Variants in RGCC observed in about 807,000 individuals in gnomAD.
RGCC encodes the protein regulator of cell cycle.
Under a neutral mutation model 15.4 loss-of-function variants are expected in RGCC, and 15 were observed. The observed-to-expected ratio is 0.97, with a 90% CI of 0.65 to 1.50. RGCC has a LOEUF of 1.50. Ranked by LOEUF, RGCC falls within the 40% of genes most tolerant of loss-of-function variation. The pLI is 0.00. For missense variants in RGCC, 176 were observed against 189.7 expected, an observed-to-expected ratio of 0.93 and a Z score of 0.42; for synonymous variants, 81 against 78.0, an observed-to-expected ratio of 1.04 and a Z score of -0.20.
chr13:41,458,427 C>G lies in RGCC; in HGVS notation c.192C>G (p.Ser64Arg). Residue 64 changes from serine to arginine, a missense_variant, in exon 2 of 5, where the codon AGC becomes AGG. By Grantham distance (110) the Ser-to-Arg change is moderately radical. Transcript: ENST00000379359. This position sits in a 1 kb window ranked among gnomAD's most constrained non-coding sequence, Gnocchi z 4.4. Reference protein sequence around the residue: ...EEHLERMKRRSSASVSDSSGF... With the variant: ...EEHLERMKRRRSASVSDSSGF... ...ACCTGGAGCGCATGAAGCGGCGCAG[C>G]AGCGCCAGTGTCAGCGACAGCAGCG... 1 of 1,601,734 alleles carries G rather than the reference C, an allele frequency of 6.2e-7. No individual in the cohort carries two copies.
Position 41,458,526 on chromosome 13 carries a change from C to A in RGCC, c.235+56C>A. On this transcript the variant is annotated intron_variant, in intron 2 of 4. Coordinates refer to ENST00000379359, the MANE Select transcript of RGCC (RefSeq NM_014059.3). This position sits in a 1 kb window ranked among gnomAD's most constrained non-coding sequence, Gnocchi z 4.4. ...GGATCTCCCAGCTCCCAGGACCTGC[C>A]CCGCGAAGGCTGCGGCCTCAGTTTT... is the stretch of plus-strand genomic sequence containing the variant. 2.0e-6 allele frequency: 3 copies of A among 1,505,830 alleles called. No individual in the cohort carries two copies. The highest frequency in any genetic ancestry group is 2.7e-6 in the Non-Finnish European group (3 of 1,122,758). 93.3% of individuals were successfully genotyped at this position (1,505,830 alleles called of 1,614,324 possible).
chr13:41,467,684 A>G (rs1303063188), intron 3 of RGCC, among the ~76,000 whole-genome samples: 1 of 152,248 alleles, frequency 6.6e-6, no homozygotes, highest in Non-Finnish European at 1.5e-5. Context: ...CACTTTGGCA[A>G]TAAGACAGGA....
chr13:41,458,377 G>A lies in RGCC; in HGVS notation c.142G>A (p.Glu48Lys). Reference sequence around the variant, plus strand: ...GGCCGACTTCGCGTCGCCCTTCCACGAGCGCCACTTCCACTACGAGGAGCA... The same window carrying A: ...GGCCGACTTCGCGTCGCCCTTCCACAAGCGCCACTTCCACTACGAGGAGCA... ...VLADFASPFH[E>K]RHFHYEEHLE... Residue 48 changes from glutamate (E) to lysine (K), a missense_variant, in exon 2 of 5, where the codon GAG becomes AAG. Coordinates refer to ENST00000379359, the MANE Select transcript of RGCC (RefSeq NM_014059.3). The surrounding 1 kb of genome is among the most constrained non-coding windows in gnomAD (Gnocchi z 4.4). 1.9e-6 allele frequency: 3 copies of A among 1,598,002 alleles called. No homozygotes were observed. Among genetic ancestry groups the A allele is most frequent in the Non-Finnish European group, 2.5e-6 (3 of 1,177,770 alleles).
rs755460487 is a variant in RGCC, at chr13:41,470,471, T to C, written c.407-7T>C. 9 of 1,613,480 alleles carry C rather than the reference T, an allele frequency of 5.6e-6. No homozygotes were observed. The South Asian group carries it at 7.7e-5, about 14-fold the overall frequency. On this transcript the variant is annotated splice_polypyrimidine_tract_variant and splice_region_variant and intron_variant, in intron 4 of 4. Transcript: ENST00000379359. ...AGTGGATAACCTTACCTATCTCTCA[T>C]TTACAGGTATGTGAAACAAGAAGTT...
rs1025165829 is a variant in RGCC at position 41,466,786 on chromosome 13, G to A, written c.236-37G>A. 6 of 1,351,528 alleles carry A rather than the reference G, an allele frequency of 4.4e-6. No individual in the cohort carries two copies. In the African/African-American group the frequency reaches 5.7e-5, roughly 13 times the overall value. The allele number at this position is 1,351,528 out of a possible 1,614,324, so 83.7% of individuals were successfully genotyped here. The stretch of plus-strand genomic sequence containing the variant: ...AAGTGCTAAGTCTATAATCTCATGA[G>A]TACTATTTCTAATGAGTATATTTTC... On this transcript the variant is annotated intron_variant, in intron 2 of 4. Coordinates refer to ENST00000379359, the MANE Select transcript of RGCC (RefSeq NM_014059.3).
Position 41,470,546 on chromosome 13 carries a change from G to A in RGCC, c.*61G>A. The A allele has an allele frequency of 2.7e-6, 4 of 1,508,222 alleles. No homozygotes were observed. The highest frequency in any genetic ancestry group is 3.7e-6 in the Non-Finnish European group (4 of 1,083,864). 93.4% of individuals were successfully genotyped at this position (1,508,222 alleles called of 1,614,324 possible). ...AAGCTTCAGAAAGTTCCGAGGACCT[G>A]CTAAAATCAGCTACTAGAATCTGCT... On this transcript the variant is annotated 3_prime_UTR_variant, in exon 5 of 5. Coordinates refer to ENST00000379359, the MANE Select transcript of RGCC (RefSeq NM_014059.3).
chr13:41,468,889 C>A, intron 4 of RGCC, 51 bp downstream of exon 4: 1 of 1,315,292 alleles, frequency 7.6e-7, no homozygotes, highest in Non-Finnish European at 1.1e-6. Flanking sequence ...CTAACAGACA[C>A]TTCTGATAAA....
rs2043798628 is a variant in RGCC, at chr13:41,457,607, T to C, written c.-101T>C. 3 of 1,463,632 alleles carry C rather than the reference T, an allele frequency of 2.0e-6. No individual in the cohort carries two copies. The African/African-American group carries it at 4.4e-5, about 22-fold the overall frequency. The allele number at this position is 1,463,632 out of a possible 1,614,324, so 90.7% of individuals were successfully genotyped here. A position where few individuals can be genotyped will look rare whatever the true frequency, so the allele number is the denominator to read the frequency against. ...GGCTGGAGCGCAGCGCCGAAGGGAC[T>C]GGCAGGGCTGAAGTGTGCGGGACAG... On this transcript the variant is annotated 5_prime_UTR_variant, in exon 1 of 5. Coordinates refer to ENST00000379359, the MANE Select transcript of RGCC (RefSeq NM_014059.3). The surrounding 1 kb of genome is among the most constrained non-coding windows in gnomAD (Gnocchi z 4.9).
intron 2 of RGCC, among the ~76,000 whole-genome samples, chr13:41,461,097 A>T (rs2043818918): frequency 6.6e-6 from 1 of 152,248 alleles, no homozygotes. Flanking sequence ...TCCTGTTCCC[A>T]CTTTCAGGGA....
chr13:41,467,502 G>A (rs1268510206), intron 3 of RGCC, among the ~76,000 whole-genome samples: 5 of 152,146 alleles, frequency 3.3e-5, no homozygotes, highest in Non-Finnish European at 7.4e-5. Context: ...TTTTGGAACT[G>A]GTAAAATGTC....
chr13:41,470,467 C>G lies in RGCC; in HGVS notation c.407-11C>G. ...TCTGAGTGGATAACCTTACCTATCT[C>G]TCATTTACAGGTATGTGAAACAAGA... is the stretch of plus-strand genomic sequence containing the variant. On this transcript the variant is annotated splice_polypyrimidine_tract_variant and intron_variant, in intron 4 of 4. Coordinates refer to ENST00000379359, the MANE Select transcript of RGCC (RefSeq NM_014059.3). 6.2e-7 allele frequency: 1 copy of G among 1,613,488 alleles called. No individual in the cohort carries two copies. Among genetic ancestry groups the G allele is most frequent in the East Asian group, 2.2e-5 (1 of 44,884 alleles).
chr13:41,458,358 C>T lies in RGCC; in HGVS notation c.123C>T (p.Asp41=), dbSNP rs369930415. 7.8e-5 allele frequency: 124 copies of T among 1,593,448 alleles called. No homozygotes were observed. The African/African-American group carries it at 1.5e-3, about 19-fold the overall frequency. The part of the protein sequence containing the change: ...ALCEFDAVLA[D]FASPFHERHF... ...GCGAGTTTGACGCGGTGCTGGCCGA[C>T]TTCGCGTCGCCCTTCCACGAGCGCC... The change falls in exon 2 of 5, where the codon GAC becomes GAT. Residue 41 remains aspartate, a synonymous_variant. Coordinates refer to ENST00000379359, the MANE Select transcript of RGCC (RefSeq NM_014059.3). This position sits in a 1 kb window ranked among gnomAD's most constrained non-coding sequence, Gnocchi z 4.4.
At chr13:41,466,214 C>T (rs2043848279) in intron 2 of RGCC, among the ~76,000 whole-genome samples, 1 of 150,508 alleles carries the variant, frequency 6.6e-6, no homozygotes, top group African/African-American at 2.5e-5. Flanking sequence ...TACACTCACA[C>T]ACTTTCTCAC....
chr13:41,468,815 C>A lies in RGCC; in HGVS notation c.383C>A (p.Ala128Asp), dbSNP rs754446746. Residue 128 changes from alanine to aspartate, a missense_variant, in exon 4 of 5, where the codon GCT becomes GAT. Coordinates refer to ENST00000379359, the MANE Select transcript of RGCC (RefSeq NM_014059.3). ...GDTKELEAFI[A>D]DLDKTLASM ...ACAAAAGAGCTAGAAGCCTTCATTG[C>A]TGATCTTGACAAAACTTTAGCAAGT... 6.2e-7 allele frequency: 1 copy of A among 1,607,176 alleles called. No homozygotes were observed. The highest frequency in any genetic ancestry group is 1.1e-5 in the South Asian group (1 of 90,968).
At chr13:41,465,806 G>A (rs187257583) in intron 2 of RGCC, among the ~76,000 whole-genome samples, 13 of 152,188 alleles carry the variant, frequency 8.5e-5, no homozygotes, top group African/African-American at 2.7e-4. Context: ...TAAAAGAGAG[G>A]ATTATTAAAT....
At position 41,457,848 on chromosome 13, in the gene RGCC, C is replaced by T. The variant is rs1321078605; in HGVS notation, c.49+92C>T. On this transcript the variant is annotated intron_variant, in intron 1 of 4. Coordinates refer to ENST00000379359, the MANE Select transcript of RGCC (RefSeq NM_014059.3). The surrounding 1 kb of genome is among the most constrained non-coding windows in gnomAD (Gnocchi z 4.9). Reference sequence around the variant, plus strand: ...CCCCGTGTCGTCCCTTCACACCCCCCACCCTTCCATCCTCCCCGGCGGGAA... The same window carrying T: ...CCCCGTGTCGTCCCTTCACACCCCCTACCCTTCCATCCTCCCCGGCGGGAA... 1.5e-6 allele frequency: 2 copies of T among 1,342,200 alleles called. No individual in the cohort carries two copies. The highest frequency in any genetic ancestry group is 1.5e-5 in the African/African-American group (1 of 64,714). 83.1% of individuals were successfully genotyped at this position (1,342,200 alleles called of 1,614,324 possible). A position where few individuals can be genotyped will look rare whatever the true frequency, so the allele number is the denominator to read the frequency against.
chr13:41,462,222 G>A (rs556197027), intron 2 of RGCC, among the ~76,000 whole-genome samples: 3 of 152,240 alleles, frequency 2.0e-5, no homozygotes, highest in Admixed American at 2.0e-4. Context: ...AAGGTTTACT[G>A]TCTGTGGTTT....
Position 41,466,853 on chromosome 13 carries a change from G to A in RGCC, c.266G>A (p.Ser89Asn), listed in dbSNP as rs1175995783. 6.2e-7 allele frequency: 1 copy of A among 1,613,776 alleles called. No individual in the cohort carries two copies. Among genetic ancestry groups the A allele is most frequent in the Admixed American group, 1.7e-5 (1 of 60,018 alleles). Residue 89 changes from serine to asparagine, a missense_variant, in exon 3 of 5, where the codon AGC (serine) becomes AAC (asparagine). Physicochemically the swap from Ser to Asn is conservative, Grantham distance 46. Transcript: ENST00000379359. ...SADSLYRNSF[S>N]FSDEKLNSPT... ...GATTCACTTTATAGGAACAGCTTCA[G>A]CTTCAGTGATGAAAAACTGAATTCT... is the stretch of plus-strand genomic sequence containing the variant.
chr13:41,457,880 C>G lies in RGCC; in HGVS notation c.49+124C>G. 1 of 1,299,916 alleles carries G rather than the reference C, an allele frequency of 7.7e-7. No homozygotes were observed. Among genetic ancestry groups the G allele is most frequent in the South Asian group, 2.3e-5 (1 of 43,610 alleles). The allele number at this position is 1,299,916 out of a possible 1,614,324, so 80.5% of individuals were successfully genotyped here. A position where few individuals can be genotyped will look rare whatever the true frequency, so the allele number is the denominator to read the frequency against. The stretch of plus-strand genomic sequence containing the variant: ...CCATCCTCCCCGGCGGGAACCTGTC[C>G]CCGGTCTTCCCGCGCGGGCGGCTGC... On this transcript the variant is annotated intron_variant, in intron 1 of 4. Coordinates refer to ENST00000379359, the MANE Select transcript of RGCC (RefSeq NM_014059.3). This position sits in a 1 kb window ranked among gnomAD's most constrained non-coding sequence, Gnocchi z 4.9.
Sources: gnomAD v4.1 joint callset for allele counts (sites outside exome capture counted in the v4.1 genomes callset) on GRCh38, gnomAD v4.1.1 for gene constraint, Gnocchi (gnomAD v3.1) non-coding constraint, MANE v1.5 for transcripts, NCBI Gene and HGNC (gene_info 2026-07-23, HGNC 2026-07-21) for gene names.